SELENOI: variants seen among roughly 807,000 people sequenced by gnomAD.
The protein encoded by SELENOI is ethanolaminephosphotransferase 1.
In SELENOI, 24 loss-of-function variants were observed where a neutral mutation model predicts 50.7. The observed-to-expected ratio is 0.47, with a 90% confidence interval of 0.34 to 0.67. The LOEUF (loss-of-function observed/expected upper bound fraction) is 0.67, where lower values mean the gene tolerates loss of function less well. Among genes scored for constraint, SELENOI ranks in the 30% least tolerant of loss-of-function variants. The pLI is 0.01. For synonymous variants in SELENOI, 155 were observed against 170.2 expected (o/e 0.91, Z 0.70); for missense variants, 352 against 461.4 (o/e 0.76, Z 2.17).
chr2:26,370,388 G>T (rs1355344306), intron 4 of SELENOI, among the ~76,000 whole-genome samples: 1 of 151,968 alleles, frequency 6.6e-6, no homozygotes, highest in Admixed American at 6.5e-5. Flanking sequence ...CCTCCCAGAC[G>T]GGGTGGTGGC....
chr2:26,375,086 C>T lies in SELENOI; in HGVS notation c.620C>T (p.Ala207Val). Reference sequence around the variant, plus strand: ...GTGACTGCAGTTGTGGGAGTTGAGGCCTGGTATGAACCTTTCCTGTTTAAT... The same window carrying T: ...GTGACTGCAGTTGTGGGAGTTGAGGTCTGGTATGAACCTTTCCTGTTTAAT... ...YIVTAVVGVE[A>V]WYEPFLFNFL... The change falls in exon 6 of 10, where the codon GCC becomes GTC. Residue 207 changes from alanine (A) to valine (V), a missense_variant. Coordinates refer to ENST00000260585, the MANE Select transcript of SELENOI (RefSeq NM_033505.4). 1 of 1,613,432 alleles carries T rather than the reference C, an allele frequency of 6.2e-7. No homozygotes were observed. The highest frequency in any genetic ancestry group is 8.5e-7 in the Non-Finnish European group (1 of 1,179,510).
intron 1 of SELENOI, among the ~76,000 whole-genome samples, chr2:26,347,584 G>A (rs933513493): frequency 1.3e-5 from 2 of 152,078 alleles, no homozygotes; most frequent in East Asian, 3.8e-4. Context: ...TTGGTAACTC[G>A]GGCCAGTGCT....
At position 26,364,350 on chromosome 2, in the gene SELENOI, T is replaced by C; in HGVS notation, c.106T>C (p.Phe36Leu). 1 of 1,558,616 alleles carries C rather than the reference T, an allele frequency of 6.4e-7. No individual in the cohort carries two copies. Residue 36 changes from phenylalanine (F) to leucine (L), a missense_variant, in exon 2 of 10, where the codon TTC (phenylalanine) becomes CTC (leucine). By Grantham distance (22) the Phe-to-Leu change is conservative. Transcript: ENST00000260585. ...NPLSLYVMHP[F>L]WNTIVKVFPT... ...ACTTTCTCTGTATGTCATGCATCCA[T>C]TCTGGAACACTATAGTAAAGGTAAG...
At chr2:26,351,288 C>T (rs1396648025) in intron 1 of SELENOI, among the ~76,000 whole-genome samples, 1 of 152,086 alleles carries the variant, frequency 6.6e-6, no homozygotes, top group Non-Finnish European at 1.5e-5. Flanking sequence ...GAACTTCGGA[C>T]CTCAGGTGAT....
At chr2:26,386,558 G>T (rs1677848644) in intron 9 of SELENOI, 22 bp downstream of exon 9, 1 of 1,533,928 alleles carries the variant, frequency 6.5e-7, no homozygotes, top group Admixed American at 2.0e-5. Flanking sequence ...ACAGCAAAAT[G>T]GGTTCAATTT....
Position 26,367,136 on chromosome 2 carries a change from TC to T in SELENOI, c.236-8del, listed in dbSNP as rs576226820. ...AACTGTATTAAAATCTTAGTTGCTT[TC>T]CTTTTCAGCACCAGGTCACAAGCAC... On this transcript the variant is annotated splice_polypyrimidine_tract_variant and intron_variant, in intron 3 of 9. Coordinates refer to ENST00000260585, the MANE Select transcript of SELENOI (RefSeq NM_033505.4). 2.3e-3 allele frequency: 3,643 copies of T among 1,604,960 alleles called. 10 individuals carry two copies. Among genetic ancestry groups the T allele is most frequent in the Non-Finnish European group, 2.7e-3 (3,122 of 1,175,378 alleles).
At chr2:26,371,811 G>GTA (rs940507292) in intron 4 of SELENOI, among the ~76,000 whole-genome samples, 7 of 152,216 alleles carry the variant, frequency 4.6e-5, no homozygotes, top group African/African-American at 1.4e-4. Flanking sequence ...GATGGCAGCA[G>GTA]TATAGTCCAG....
chr2:26,377,280 T>A (rs542074471), intron 6 of SELENOI, among the ~76,000 whole-genome samples: 7 of 152,316 alleles, frequency 4.6e-5, no homozygotes, highest in African/African-American at 1.2e-4. Context: ...GCTTTTTTTT[T>A]CTTCTGCCAT....
At chr2:26,354,488 G>A (rs1677024386) in intron 1 of SELENOI, among the ~76,000 whole-genome samples, 1 of 152,078 alleles carries the variant, frequency 6.6e-6, no homozygotes, top group South Asian at 2.1e-4. Context: ...CTGGGTTCAC[G>A]CTATTCTCCT....
intron 6 of SELENOI, among the ~76,000 whole-genome samples, chr2:26,380,640 G>T (rs766584877): frequency 3.3e-5 from 5 of 152,194 alleles, no homozygotes; most frequent in Non-Finnish European, 5.9e-5. Context: ...TGAGGAAGAG[G>T]TCCCTAGAAG....
At chr2:26,383,702 C>T (rs899986661) in intron 7 of SELENOI, among the ~76,000 whole-genome samples, 3 of 152,134 alleles carry the variant, frequency 2.0e-5, no homozygotes, top group South Asian at 2.1e-4. Flanking sequence ...TGGTGAAACC[C>T]GTCTCTACTA....
intron 7 of SELENOI, 117 bp from the exon 8 acceptor site, chr2:26,384,842 C>A: frequency 1.5e-6 from 1 of 667,592 alleles, no homozygotes; most frequent in Non-Finnish European, 2.3e-6. Context: ...GTCTATGCCA[C>A]AAGATTATTG....
chr2:26,371,581 G>C (rs1677448042), intron 4 of SELENOI, among the ~76,000 whole-genome samples: 1 of 152,258 alleles, frequency 6.6e-6, no homozygotes, highest in African/African-American at 2.4e-5. Context: ...ATTGAGCACT[G>C]AGTGAACCAG....
intron 2 of SELENOI, 75 bp from the exon 3 acceptor site, chr2:26,364,757 A>C (rs1677251725): frequency 2.0e-6 from 2 of 993,882 alleles, no homozygotes; most frequent in Admixed American, 2.8e-5. Flanking sequence ...TTATGACTTC[A>C]GTTTGCATGT....
intron 1 of SELENOI, among the ~76,000 whole-genome samples, chr2:26,362,515 C>T (rs1299052209): frequency 6.6e-6 from 1 of 150,572 alleles, no homozygotes; most frequent in Non-Finnish European, 1.5e-5. Flanking sequence ...AATCCCAGCA[C>T]TTTGGGAGGC....
rs544531251 is a variant in SELENOI, at chr2:26,391,188, C to T, written c.*2085C>T. 6.6e-6 allele frequency: 1 copy of T among 152,060 alleles called. No individual in the cohort carries two copies. Among genetic ancestry groups the T allele is most frequent in the Non-Finnish European group, 1.5e-5 (1 of 68,022 alleles). The allele number at this position is 152,060 out of a possible 1,614,324, so 9.4% of individuals were successfully genotyped here. On this transcript the variant is annotated 3_prime_UTR_variant, in exon 10 of 10. Transcript: ENST00000260585. ...AATTGTTTTGTGCTGTACTTTATGA[C>T]TTGTTTCCCTATGGTGGTAAAGAAT...
At chr2:26,387,354 T>A (rs1258098639) in intron 9 of SELENOI, among the ~76,000 whole-genome samples, 7 of 152,142 alleles carry the variant, frequency 4.6e-5, no homozygotes. Flanking sequence ...CACAGTACAG[T>A]TATTTTAATC....
intron 6 of SELENOI, among the ~76,000 whole-genome samples, chr2:26,377,490 A>G (rs1409582272): frequency 1.3e-5 from 2 of 151,906 alleles, no homozygotes; most frequent in African/African-American, 4.8e-5. Context: ...AATTAAGCCA[A>G]ATATGGTGGT....
intron 7 of SELENOI, among the ~76,000 whole-genome samples, chr2:26,384,332 A>G (rs972698504): frequency 1.4e-4 from 22 of 152,200 alleles, no homozygotes; most frequent in African/African-American, 5.3e-4. Flanking sequence ...ATTTCTCTAC[A>G]TTTTCTTCTC....
Sources: allele counts gnomAD v4.1 joint callset (sites outside exome capture counted in the v4.1 genomes callset), GRCh38; gene constraint gnomAD v4.1.1; transcripts MANE v1.5; gene names NCBI Gene and HGNC (gene_info 2026-07-23, HGNC 2026-07-21).